Variants in IL1RAPL2 observed in about 807,000 individuals in gnomAD.
The protein encoded by IL1RAPL2 is X-linked interleukin-1 receptor accessory protein-like 2.
Under a neutral mutation model 44.1 loss-of-function variants are expected in IL1RAPL2, and 3 were observed. The ratio of observed to expected loss-of-function variants is 0.07; its 90% CI spans 0.03 to 0.18. The LOEUF is 0.18. IL1RAPL2 is among the 10% of genes least tolerant of loss of function. The pLI, the probability that IL1RAPL2 is intolerant of heterozygous loss-of-function variation, is 1.00. For synonymous variants in IL1RAPL2, 181 were observed against 178.8 expected, an observed-to-expected ratio of 1.01 and a Z score of -0.10; for missense variants, 391 against 496.4, an observed-to-expected ratio of 0.79 and a Z score of 2.02.
intron 3 of IL1RAPL2, among the ~76,000 whole-genome samples, chrX:105,206,330 T>C (rs1442494925): frequency 8.1e-5 from 9 of 111,622 alleles, no homozygotes; most frequent in Non-Finnish European, 1.7e-4. Context: ...AGGAGGTAGG[T>C]CATATTATTG....
chrX:105,665,350 T>C (rs918242357), intron 6 of IL1RAPL2, among the ~76,000 whole-genome samples: 157 of 109,316 alleles, frequency 1.4e-3, no homozygotes, highest in African/African-American at 4.6e-3. Context: ...CGTGCGTGTG[T>C]GTGTGTGTGT....
intron 3 of IL1RAPL2, among the ~76,000 whole-genome samples, chrX:105,197,247 T>C (rs1471404447): frequency 9.0e-6 from 1 of 110,821 alleles, no homozygotes; most frequent in African/African-American, 3.3e-5. Flanking sequence ...GAGAAGCAGA[T>C]GTAATTCAGC....
intron 5 of IL1RAPL2, among the ~76,000 whole-genome samples, chrX:105,311,416 C>T (rs1177807583): frequency 9.3e-6 from 1 of 107,698 alleles, no homozygotes; most frequent in Non-Finnish European, 1.9e-5. Flanking sequence ...ATTTTTTAGT[C>T]CTTCATTTTA....
intron 2 of IL1RAPL2, among the ~76,000 whole-genome samples, chrX:104,943,818 T>C (rs910445331): frequency 8.9e-6 from 1 of 112,187 alleles, no homozygotes; most frequent in Non-Finnish European, 1.9e-5. Flanking sequence ...CCCATTATAA[T>C]GCAAGTTTCA....
At chrX:105,719,141 C>G (rs973508907) in intron 7 of IL1RAPL2, among the ~76,000 whole-genome samples, 2 of 111,360 alleles carry the variant, frequency 1.8e-5, no homozygotes, top group African/African-American at 6.5e-5. Context: ...TGAAAACAAC[C>G]TAAATGTCTA....
At chrX:105,691,441 A>G (rs1269053189) in intron 6 of IL1RAPL2, among the ~76,000 whole-genome samples, 2 of 111,739 alleles carry the variant, frequency 1.8e-5, no homozygotes, top group Non-Finnish European at 3.8e-5. Flanking sequence ...AAAACCATTA[A>G]TCCACTTACA....
intron 2 of IL1RAPL2, among the ~76,000 whole-genome samples, chrX:104,953,011 C>A (rs1602849365): frequency 8.9e-6 from 1 of 111,990 alleles, no homozygotes; most frequent in East Asian, 2.8e-4. Flanking sequence ...ATCAATAATG[C>A]ATTTGTTCTT....
intron 2 of IL1RAPL2, among the ~76,000 whole-genome samples, chrX:105,034,538 G>A (rs993538020): frequency 4.5e-5 from 5 of 111,881 alleles, no homozygotes; most frequent in Non-Finnish European, 9.4e-5. Context: ...GCAGAACAGC[G>A]GTGGCTGTAG....
At chrX:105,315,000 T>G in intron 5 of IL1RAPL2, among the ~76,000 whole-genome samples, 1 of 112,335 alleles carries the variant, frequency 8.9e-6, no homozygotes. Context: ...AGTTGAAGTT[T>G]TCTTCTCCTC....
chrX:105,467,241 AT>A (rs2036136783), intron 5 of IL1RAPL2, among the ~76,000 whole-genome samples: 1 of 111,913 alleles, frequency 8.9e-6, no homozygotes, highest in South Asian at 3.7e-4. Flanking sequence ...TTTAACAGTG[AT>A]TTGTTTGGCA....
intron 7 of IL1RAPL2, among the ~76,000 whole-genome samples, chrX:105,728,400 G>T (rs185553584): frequency 0.015 from 1,706 of 111,577 alleles, 33 homozygotes; most frequent in African/African-American, 0.052. Context: ...CCTTTACTGA[G>T]TTTTCTTAAT....
intron 2 of IL1RAPL2, among the ~76,000 whole-genome samples, chrX:104,753,941 T>A (rs963148235): frequency 8.9e-6 from 1 of 111,899 alleles, no homozygotes; most frequent in African/African-American, 3.2e-5. Flanking sequence ...TTATTAGCGT[T>A]CAGGTTTTAG....
rs981964560 is a variant in IL1RAPL2 at position 105,182,005 on chromosome X, T to C, written c.83-13470T>C. On this transcript the variant is annotated intron_variant, in intron 2 of 10. Coordinates refer to ENST00000372582, the MANE Select transcript of IL1RAPL2 (RefSeq NM_017416.2). ...TGGCGTGAACCCGGGAGGTGGAGCT[T>C]GAAGTGAGCCAAGATTGCGCCACTG... 7.6e-5 allele frequency among the ~76,000 whole-genome samples: 8 copies of C among 104,631 alleles called. 1 individual carries two copies. The highest frequency in any genetic ancestry group is 4.1e-4 in the Admixed American group (4 of 9,729). 90.9% of individuals were successfully genotyped at this position (104,631 alleles called of 115,157 possible).
intron 2 of IL1RAPL2, among the ~76,000 whole-genome samples, chrX:105,045,462 G>A (rs1316322306): frequency 1.8e-5 from 2 of 112,172 alleles, no homozygotes; most frequent in Admixed American, 9.5e-5. Flanking sequence ...TGTTTACTTT[G>A]GGAGAAAATA....
chrX:104,709,456 A>G (rs1006035447), intron 2 of IL1RAPL2, among the ~76,000 whole-genome samples: 11 of 110,239 alleles, frequency 1.0e-4, no homozygotes, highest in African/African-American at 1.6e-4. Flanking sequence ...AGTACTTTCT[A>G]TATGTTACCT....
At chrX:105,663,588 C>T (rs948765326) in intron 6 of IL1RAPL2, among the ~76,000 whole-genome samples, 3 of 111,584 alleles carry the variant, frequency 2.7e-5, no homozygotes, top group East Asian at 2.8e-4. Context: ...TCCTCTCTCC[C>T]GTAAATTGAG....
chrX:105,723,675 A>T (rs1239938816), intron 7 of IL1RAPL2, among the ~76,000 whole-genome samples: 1 of 111,509 alleles, frequency 9.0e-6, no homozygotes, highest in Non-Finnish European at 1.9e-5. Context: ...GAAGTCCAAG[A>T]TCAATGTGCT....
intron 2 of IL1RAPL2, among the ~76,000 whole-genome samples, chrX:104,914,922 T>A (rs1294849940): frequency 8.9e-6 from 1 of 111,919 alleles, no homozygotes; most frequent in Admixed American, 9.5e-5. Flanking sequence ...TGCATAGTAT[T>A]CCATGGTGTA....
rs141368858 is a variant in IL1RAPL2 at position 104,660,754 on chromosome X, T to A, written c.82+1759T>A. ...GAGTTTGAGACCAGCCTGGGTAACATGGTGAAACCCTATTTCTACAAAAAT... is the reference window on the plus strand; with the variant it reads ...GAGTTTGAGACCAGCCTGGGTAACAAGGTGAAACCCTATTTCTACAAAAAT... On this transcript the variant is annotated intron_variant, in intron 2 of 10. Transcript: ENST00000372582. 7.6e-3 allele frequency among the ~76,000 whole-genome samples: 815 copies of A among 106,869 alleles called. 11 individuals carry two copies. The highest frequency in any genetic ancestry group is 0.026 in the African/African-American group (757 of 29,348). 92.8% of individuals were successfully genotyped at this position (106,869 alleles called of 115,157 possible).
Sources: gnomAD v4.1 joint callset for allele counts (sites outside exome capture counted in the v4.1 genomes callset) on GRCh38, gnomAD v4.1.1 for gene constraint, MANE v1.5 for transcripts, NCBI Gene and HGNC (gene_info 2026-07-23, HGNC 2026-07-21) for gene names.